SCMH1: variants seen among roughly 807,000 people sequenced by gnomAD.
SCMH1 encodes the protein polycomb protein SCMH1.
A neutral mutation model predicts 70.8 loss-of-function variants in SCMH1; 37 were observed. The ratio of observed to expected loss-of-function variants is 0.52; its 90% confidence interval spans 0.40 to 0.69. The LOEUF is 0.69. Among genes scored for constraint, SCMH1 ranks in the 30% least tolerant of loss-of-function variants. The pLI is 0.00. For synonymous variants in SCMH1, 292 were observed against 307.4 expected (o/e 0.95, Z 0.52); for missense variants, 607 against 827.3 (o/e 0.73, Z 3.27).
At chr1:41,217,781 G>A (rs1658418744) in intron 1 of SCMH1, among the ~76,000 whole-genome samples, 1 of 152,232 alleles carries the variant, frequency 6.6e-6, no homozygotes, top group Non-Finnish European at 1.5e-5. Flanking sequence ...TCAGGCTAAA[G>A]TGGTAGGGCC....
chr1:41,094,177 T>C (rs1284496490), intron 8 of SCMH1, among the ~76,000 whole-genome samples: 1 of 152,236 alleles, frequency 6.6e-6, no homozygotes, highest in Non-Finnish European at 1.5e-5. Context: ...ATAAGCTTAA[T>C]AAATTTTACT....
At chr1:41,183,523 C>G (rs532390424) in intron 2 of SCMH1, among the ~76,000 whole-genome samples, 1 of 152,240 alleles carries the variant, frequency 6.6e-6, no homozygotes, top group Admixed American at 6.5e-5. Flanking sequence ...TATTTTGTAA[C>G]AGCTTTCTGG....
chr1:41,090,064 T>A (rs1662958957), intron 8 of SCMH1, among the ~76,000 whole-genome samples: 1 of 151,886 alleles, frequency 6.6e-6, no homozygotes, highest in Non-Finnish European at 1.5e-5. Context: ...AGTGCTGGGA[T>A]TACAGGTGTG....
At chr1:41,235,569 TAAAAAAAAAAA>T (rs61093555) in intron 1 of SCMH1, among the ~76,000 whole-genome samples, 3,604 of 43,102 alleles carry the variant, frequency 0.084, 174 homozygotes, top group African/African-American at 0.18. Context: ...AGACTCCGTC[TAAAAAAAAAAA>T]AAAAAAAAAA....
chr1:41,195,062 T>C (rs1454391265), intron 1 of SCMH1, among the ~76,000 whole-genome samples: 1 of 126,258 alleles, frequency 7.9e-6, no homozygotes, highest in East Asian at 2.6e-4. Context: ...ACCTGGGAGG[T>C]GGAGGTTGTG....
At chr1:41,058,704 G>C (rs568512659) in intron 10 of SCMH1, among the ~76,000 whole-genome samples, 8 of 152,234 alleles carry the variant, frequency 5.3e-5, no homozygotes, top group African/African-American at 1.9e-4. Context: ...TCTTAAAGGA[G>C]GGCAGGTAGG....
At chr1:41,109,542 G>A (rs1027845540) in intron 8 of SCMH1, among the ~76,000 whole-genome samples, 1 of 152,292 alleles carries the variant, frequency 6.6e-6, no homozygotes, top group Non-Finnish European at 1.5e-5. Context: ...TATAGAAAGC[G>A]CTTTTGTAGG....
chr1:41,047,572 AT>A (rs571754341), intron 11 of SCMH1, among the ~76,000 whole-genome samples: 1 of 149,970 alleles, frequency 6.7e-6, no homozygotes, highest in Admixed American at 6.6e-5. Flanking sequence ...AATGTTTTGT[AT>A]TTTTTTTTAG....
intron 1 of SCMH1, among the ~76,000 whole-genome samples, chr1:41,218,997 G>A (rs529159437): frequency 2.6e-5 from 4 of 152,150 alleles, no homozygotes; most frequent in Non-Finnish European, 5.9e-5. Context: ...GTGACCAGAA[G>A]AACAAACCAT....
chr1:41,178,011 G>A (rs1198341935), intron 2 of SCMH1, among the ~76,000 whole-genome samples: 3 of 152,272 alleles, frequency 2.0e-5, no homozygotes, highest in East Asian at 3.9e-4. Flanking sequence ...ACCCACAAAG[G>A]GAAGCCCATC....
chr1:41,074,163 C>T (rs952942474), intron 9 of SCMH1, among the ~76,000 whole-genome samples: 2 of 148,574 alleles, frequency 1.3e-5, no homozygotes, highest in African/African-American at 5.0e-5. Flanking sequence ...CTTTCAGTAA[C>T]AGTGCTCAGT....
exon 13 of SCMH1, chr1:41,037,430 C>A: frequency 6.2e-7 from 1 of 1,614,128 alleles, no homozygotes; most frequent in Non-Finnish European, 8.5e-7. Context: ...AAGCAAGGGC[C>A]GGTGCCTTTG....
At chr1:41,139,749 T>C (rs1297135402) in intron 6 of SCMH1, among the ~76,000 whole-genome samples, 3 of 152,086 alleles carry the variant, frequency 2.0e-5, no homozygotes, top group Non-Finnish European at 4.4e-5. Context: ...AATTGAATGA[T>C]AAACTATAGG....
At chr1:41,168,334 TTTTC>T (rs1366656667) in intron 2 of SCMH1, among the ~76,000 whole-genome samples, 44 of 152,314 alleles carry the variant, frequency 2.9e-4, no homozygotes, top group African/African-American at 1.0e-3. Flanking sequence ...TTTCATTCTT[TTTTC>T]TTTTTGCTCA....
At chr1:41,194,302 T>C (rs1428790722) in intron 1 of SCMH1, among the ~76,000 whole-genome samples, 2 of 152,242 alleles carry the variant, frequency 1.3e-5, no homozygotes. Flanking sequence ...ATTTCTACTA[T>C]GTATAAATAC....
intron 6 of SCMH1, among the ~76,000 whole-genome samples, chr1:41,117,317 A>G (rs1387567979): frequency 3.3e-4 from 50 of 150,102 alleles, no homozygotes; most frequent in South Asian, 1.1e-3. Context: ...ACATAGTGAG[A>G]AGTGACCAGA....
chr1:41,051,677 A>G (rs1287440722), intron 10 of SCMH1, among the ~76,000 whole-genome samples: 2 of 152,196 alleles, frequency 1.3e-5, no homozygotes, highest in Non-Finnish European at 1.5e-5. Context: ...TTTAAATAAA[A>G]AAAGCTTACA....
chr1:41,151,454 T>A (rs1355987870), intron 5 of SCMH1, among the ~76,000 whole-genome samples, 160 bp downstream of exon 5: 1 of 152,218 alleles, frequency 6.6e-6, no homozygotes, highest in Non-Finnish European at 1.5e-5. Flanking sequence ...AAACTCACAG[T>A]GACCAAATTT....
intron 6 of SCMH1, among the ~76,000 whole-genome samples, chr1:41,130,481 T>C (rs1221107812): frequency 1.3e-5 from 2 of 152,160 alleles, no homozygotes; most frequent in Non-Finnish European, 2.9e-5. Context: ...AAGAGTTTTA[T>C]GGATTTAGAC....
Sources: gnomAD v4.1 joint callset for allele counts (sites outside exome capture counted in the v4.1 genomes callset) on GRCh38, gnomAD v4.1.1 for gene constraint, MANE v1.5 for transcripts, NCBI Gene and HGNC (gene_info 2026-07-23, HGNC 2026-07-21) for gene names.